CUL9: variants seen among roughly 807,000 people sequenced by gnomAD.
CUL9 encodes cullin 9.
A neutral mutation model predicts 272.6 loss-of-function variants in CUL9; 79 were observed. The ratio of observed to expected loss-of-function variants is 0.29; its 90% CI spans 0.24 to 0.35. CUL9 has a LOEUF of 0.35. Ranked by LOEUF, CUL9 falls within the 10% of genes least tolerant of loss-of-function variation. The pLI, the probability that CUL9 is intolerant of heterozygous loss-of-function variation, is 1.00. For synonymous variants in CUL9, 1,186 were observed against 1,286.5 expected (o/e 0.92, Z 1.67); for missense variants, 2,532 against 3,255.6 (o/e 0.78, Z 5.41).
At chr6:43,214,984 A>C in intron 29 of CUL9, 95 bp from the exon 30 acceptor site, 1 of 1,433,972 alleles carries the variant, frequency 7.0e-7, no homozygotes, top group Non-Finnish European at 9.4e-7. Context: ...CTTAAAAAAA[A>C]AGGGGGGGAA....
Position 43,200,400 on chromosome 6 carries a change from T to C in CUL9, c.3385-36T>C. 6.2e-7 allele frequency: 1 copy of C among 1,614,062 alleles called. No individual in the cohort carries two copies. On this transcript the variant is annotated intron_variant, in intron 14 of 40. Coordinates refer to ENST00000252050, the MANE Select transcript of CUL9 (RefSeq NM_015089.4). This position sits in a 1 kb window ranked among gnomAD's most constrained non-coding sequence, Gnocchi z 4.0. ...GGGCATTTCTCTGTGTTCCTCCCTCTCCTCTTCCTCATTCTCCCTGATGTT... is the reference window on the plus strand; with the variant it reads ...GGGCATTTCTCTGTGTTCCTCCCTCCCCTCTTCCTCATTCTCCCTGATGTT...
At chr6:43,185,022 T>G (rs1772779748) in intron 2 of CUL9, 117 bp downstream of exon 2, 1 of 804,642 alleles carries the variant, frequency 1.2e-6, no homozygotes, top group Non-Finnish European at 1.9e-6. Context: ...AATATCAATT[T>G]GATGCAAAGG....
In CUL9 at chr6:43,184,252, A is replaced by G; in HGVS notation, c.-9-50A>G. The G allele has an allele frequency of 7.6e-7, 1 of 1,311,792 alleles. No homozygotes were observed. The highest frequency in any genetic ancestry group is 1.0e-6 in the Non-Finnish European group (1 of 996,314). The allele number at this position is 1,311,792 out of a possible 1,614,324, so 81.3% of individuals were successfully genotyped here. ...TCTCAAGATTCCACCCCCTCCATGTATTTTTTTTCTTTTCTCATACTGCCT... is the reference window on the plus strand; with the variant it reads ...TCTCAAGATTCCACCCCCTCCATGTGTTTTTTTTCTTTTCTCATACTGCCT... On this transcript the variant is annotated intron_variant, in intron 1 of 40. Coordinates refer to ENST00000252050, the MANE Select transcript of CUL9 (RefSeq NM_015089.4). The surrounding 1 kb of genome is among the most constrained non-coding windows in gnomAD (Gnocchi z 4.8).
Position 43,221,998 on chromosome 6 carries a change from T to G in CUL9, c.6846+220T>G, listed in dbSNP as rs1776406526. ...CAGAACAGGACTTCTCATACCGAGG[T>G]GGCTACAGAAAGGCTGGGGAGGGCT... On this transcript the variant is annotated intron_variant, in intron 35 of 40. Transcript: ENST00000252050. The surrounding 1 kb of genome is among the most constrained non-coding windows in gnomAD (Gnocchi z 4.2). 2 of 594,128 alleles carry G rather than the reference T, an allele frequency of 3.4e-6. No homozygotes were observed. The highest frequency in any genetic ancestry group is 6.0e-6 in the Non-Finnish European group (2 of 335,908). The allele number at this position is 594,128 out of a possible 1,614,324, so 36.8% of individuals were successfully genotyped here. A position where few individuals can be genotyped will look rare whatever the true frequency, so the allele number is the denominator to read the frequency against.
chr6:43,206,060 C>CTGTGCTAG lies in CUL9; in HGVS notation c.4848_4855dup (p.Glu1619ValfsTer3). Reference sequence around the variant, plus strand: ...TTTGGTTCGAGCTGGCTGGAGGGGGCTGTGCTAGAGCAGATTGGCCTCTGT... The same window carrying CTGTGCTAG: ...TTTGGTTCGAGCTGGCTGGAGGGGGCTGTGCTAGTGTGCTAGAGCAGATTGGCCTCTGT... On this transcript the variant is annotated frameshift_variant, in exon 25 of 41. Coordinates refer to ENST00000252050, the MANE Select transcript of CUL9 (RefSeq NM_015089.4). LOFTEE classifies it high-confidence loss of function. The surrounding 1 kb of genome is among the most constrained non-coding windows in gnomAD (Gnocchi z 4.8). The CTGTGCTAG allele has an allele frequency of 6.2e-7, 1 of 1,614,154 alleles. No homozygotes were observed. The highest frequency in any genetic ancestry group is 8.5e-7 in the Non-Finnish European group (1 of 1,180,008).
chr6:43,218,028 G>T lies in CUL9; in HGVS notation c.6282+1525G>T, dbSNP rs879286208. On this transcript the variant is annotated intron_variant, in intron 31 of 40. Coordinates refer to ENST00000252050, the MANE Select transcript of CUL9 (RefSeq NM_015089.4). The surrounding 1 kb of genome is among the most constrained non-coding windows in gnomAD (Gnocchi z 4.4). ...AGTAATTTGCCAAAGGTCAGGATTT[G>T]AATTTTGGCAGTCTCAGGCAATCCT... 5.9e-5 allele frequency among the ~76,000 whole-genome samples: 9 copies of T among 152,144 alleles called. No homozygotes were observed. The highest frequency in any genetic ancestry group is 1.3e-4 in the Non-Finnish European group (9 of 68,020).
At chr6:43,217,115 G>T (rs1776003909) in intron 31 of CUL9, among the ~76,000 whole-genome samples, 1 of 152,258 alleles carries the variant, frequency 6.6e-6, no homozygotes. Flanking sequence ...CAGCACTTTG[G>T]GAGGCTGATG....
At position 43,216,358 on chromosome 6, in the gene CUL9, C is replaced by A. The variant is rs763757783; in HGVS notation, c.6137C>A (p.Pro2046His). 6.2e-7 allele frequency: 1 copy of A among 1,614,058 alleles called. No individual in the cohort carries two copies. The highest frequency in any genetic ancestry group is 1.7e-5 in the Admixed American group (1 of 60,004). The part of the protein sequence containing the change: ...EQLLQSYSED[P>H]EPLLLAAGLC... ...CTGCTGCAGAGCTACAGTGAGGACC[C>A]TGAGCCACTGCTGCTGGCAGCTGGG... The change falls in exon 31 of 41, where the codon CCT (proline) becomes CAT (histidine). Residue 2046 changes from proline (P) to histidine (H), a missense_variant. Pro to His is a moderately conservative substitution (Grantham distance 77). Around this residue, in one of 3 missense-constraint regions of CUL9, gnomAD observed 2,218 missense variants for 2,788.6 expected, o/e 0.80. Coordinates refer to ENST00000252050, the MANE Select transcript of CUL9 (RefSeq NM_015089.4).
At chr6:43,214,040 C>A in intron 29 of CUL9, 128 bp downstream of exon 29, 1 of 906,514 alleles carries the variant, frequency 1.1e-6, no homozygotes, top group Non-Finnish European at 1.7e-6. Flanking sequence ...TTTTCTGTTC[C>A]TGACAGAGCA....
intron 26 of CUL9, among the ~76,000 whole-genome samples, chr6:43,207,529 TTTATG>T (rs1775144963): frequency 6.6e-6 from 1 of 152,232 alleles, no homozygotes. Context: ...CTTTCTGCTG[TTTATG>T]GGCATTTGGG....
chr6:43,183,816 G>A (rs748336887), intron 1 of CUL9, among the ~76,000 whole-genome samples: 6 of 151,236 alleles, frequency 4.0e-5, no homozygotes, highest in East Asian at 3.9e-4. Context: ...ACAGTGGCGC[G>A]GTCTTGGCTC....
At position 43,203,114 on chromosome 6, in the gene CUL9, T is replaced by G; in HGVS notation, c.3759T>G (p.Asn1253Lys). 1 of 1,613,248 alleles carries G rather than the reference T, an allele frequency of 6.2e-7. No homozygotes were observed. Among genetic ancestry groups the G allele is most frequent in the East Asian group, 2.2e-5 (1 of 44,886 alleles). Reference sequence around the variant, plus strand: ...CTTCTCCCCTGCCCTACCAGGTGAATGTGATGCCCTCTGCCAGCCGGGTGA... The same window carrying G: ...CTTCTCCCCTGCCCTACCAGGTGAAGGTGATGCCCTCTGCCAGCCGGGTGA... ...SCIGTELNTV[N>K]VMPSASRVIL... is the part of the protein sequence containing the mutation. Residue 1253 changes from asparagine (N) to lysine (K), a missense_variant, in exon 18 of 41, where the codon AAT (asparagine) becomes AAG (lysine). Physicochemically the swap from Asn to Lys is moderately conservative, Grantham distance 94. This residue lies in a region of CUL9 where 2,218 missense variants were observed against 2,788.6 expected (regional missense o/e 0.80). Transcript: ENST00000252050. The surrounding 1 kb of genome is among the most constrained non-coding windows in gnomAD (Gnocchi z 5.0).
At chr6:43,197,706 ACTC>A (rs1242375214) in intron 11 of CUL9, among the ~76,000 whole-genome samples, 1 of 149,804 alleles carries the variant, frequency 6.7e-6, no homozygotes, top group African/African-American at 2.5e-5. Flanking sequence ...CCGGTTTTGA[ACTC>A]CTGACCTCGT....
chr6:43,188,339 C>G (rs1773112083), intron 7 of CUL9, 184 bp from the exon 8 acceptor site: 16 of 791,144 alleles, frequency 2.0e-5, no homozygotes, highest in Non-Finnish European at 1.4e-5. Flanking sequence ...GATCCGTTTT[C>G]TGGGGTGTCT....
At chr6:43,205,721 C>T (rs1479125093) in intron 24 of CUL9, among the ~76,000 whole-genome samples, 1 of 150,984 alleles carries the variant, frequency 6.6e-6, no homozygotes, top group Non-Finnish European at 1.5e-5. Context: ...CCCAGCTATT[C>T]GGGAGGGTGA....
In CUL9 at chr6:43,206,602, G is replaced by A. The variant is rs552746010; in HGVS notation, c.5212+92G>A. 31 of 1,192,896 alleles carry A rather than the reference G, an allele frequency of 2.6e-5. No individual in the cohort carries two copies. In the East Asian group the frequency reaches 6.6e-4, roughly 25 times the overall value. The allele number at this position is 1,192,896 out of a possible 1,614,324, so 73.9% of individuals were successfully genotyped here. A position where few individuals can be genotyped will look rare whatever the true frequency, so the allele number is the denominator to read the frequency against. ...GAGGACCTTTGGACAGGATATAGAT[G>A]TGAAGAAAAATATCAGCTCCTAGCG... On this transcript the variant is annotated intron_variant, in intron 26 of 40. Coordinates refer to ENST00000252050, the MANE Select transcript of CUL9 (RefSeq NM_015089.4). The surrounding 1 kb of genome is among the most constrained non-coding windows in gnomAD (Gnocchi z 4.8).
chr6:43,183,833 ACC>A (rs1772671076), intron 1 of CUL9, among the ~76,000 whole-genome samples: 1 of 150,818 alleles, frequency 6.6e-6, no homozygotes, highest in African/African-American at 2.4e-5. Flanking sequence ...GCTCACTGCA[ACC>A]TCCGCCTCCT....
At position 43,218,342 on chromosome 6, in the gene CUL9, G is replaced by A. The variant is rs573886558; in HGVS notation, c.6282+1839G>A. ...AGCGATTCTTCTGCCTCAGCCTCCC[G>A]AGTAGCTGGGACTATAGGCGCCCGC... On this transcript the variant is annotated intron_variant, in intron 31 of 40. Transcript: ENST00000252050. The surrounding 1 kb of genome is among the most constrained non-coding windows in gnomAD (Gnocchi z 4.4). 1.2e-3 allele frequency among the ~76,000 whole-genome samples: 188 copies of A among 151,940 alleles called. No individual in the cohort carries two copies. Among genetic ancestry groups the A allele is most frequent in the African/African-American group, 4.4e-3 (182 of 41,436 alleles).
intron 8 of CUL9, 96 bp from the exon 9 acceptor site, chr6:43,192,905 T>C: frequency 9.6e-7 from 1 of 1,037,656 alleles, no homozygotes; most frequent in Non-Finnish European, 1.5e-6. Context: ...TAGATCTTGG[T>C]GGATGGGATT....
Sources: allele counts gnomAD v4.1 joint callset (sites outside exome capture counted in the v4.1 genomes callset), GRCh38; gene constraint gnomAD v4.1.1; regional missense constraint gnomAD v4.1.1; non-coding constraint Gnocchi (gnomAD v3.1); transcripts MANE v1.5; gene names NCBI Gene and HGNC (gene_info 2026-07-23, HGNC 2026-07-21).